The following NSF variants were observed in gnomAD, a reference collection of about 807,000 sequenced individuals.
The protein encoded by NSF is N-ethylmaleimide sensitive factor, vesicle fusing ATPase.
Under a neutral mutation model 50.3 loss-of-function variants are expected in NSF, and 14 were observed. That is an observed-to-expected ratio of 0.28 (90% CI 0.18 to 0.44). NSF has a LOEUF of 0.44. Among genes scored for constraint, NSF ranks in the 20% least tolerant of loss-of-function variants. The pLI is 1.00. For synonymous variants in NSF, 109 were observed against 175.7 expected (o/e 0.62, Z 3.00); for missense variants, 218 against 504.3 (o/e 0.43, Z 5.44).
chr17:46,631,125 A>G (rs2058135926), intron 4 of NSF, among the ~76,000 whole-genome samples: 1 of 131,700 alleles, frequency 7.6e-6, no homozygotes, highest in South Asian at 2.3e-4. Context: ...CCTACTCCTC[A>G]TTTAGGAACC....
chr17:46,667,592 C>G (rs2058347006), intron 8 of NSF, among the ~76,000 whole-genome samples: 1 of 140,724 alleles, frequency 7.1e-6, no homozygotes, highest in South Asian at 2.2e-4. Flanking sequence ...TTGAGAACCA[C>G]TGACTAGAAA....
At chr17:46,731,819 A>G (rs767315413) in intron 17 of NSF, among the ~76,000 whole-genome samples, 1 of 152,226 alleles carries the variant, frequency 6.6e-6, no homozygotes, top group East Asian at 1.9e-4. Flanking sequence ...CCTGCAGTAT[A>G]CATGAATCAG....
At chr17:46,746,387 T>C (rs1302862126) in intron 17 of NSF, among the ~76,000 whole-genome samples, 1 of 152,192 alleles carries the variant, frequency 6.6e-6, no homozygotes, top group African/African-American at 2.4e-5. Flanking sequence ...AGCAGGTGGA[T>C]AAAAACAATG....
At chr17:46,755,770 T>A in intron 20 of NSF, 32 bp from the exon 21 acceptor site, 1 of 1,597,916 alleles carries the variant, frequency 6.3e-7, no homozygotes, top group Non-Finnish European at 8.5e-7. Flanking sequence ...GACCCTCATC[T>A]GTTTTTTTGT....
chr17:46,716,444 A>C (rs1172147255), intron 15 of NSF, among the ~76,000 whole-genome samples: 1 of 151,938 alleles, frequency 6.6e-6, no homozygotes, highest in African/African-American at 2.4e-5. Flanking sequence ...TTTTTAGTAG[A>C]GATGGGGTTT....
At chr17:46,745,856 T>C (rs957842554) in intron 17 of NSF, among the ~76,000 whole-genome samples, 3 of 152,258 alleles carry the variant, frequency 2.0e-5, no homozygotes, top group Non-Finnish European at 4.4e-5. Flanking sequence ...TAAAAATGTA[T>C]GTCTTTACTC....
In NSF at chr17:46,718,957, A is replaced by G. The variant is rs141918715; in HGVS notation, c.1761+4971A>G. 2.0e-5 allele frequency among the ~76,000 whole-genome samples: 3 copies of G among 152,340 alleles called. No homozygotes were observed. In the East Asian group the frequency reaches 5.8e-4, roughly 29 times the overall value. Reference sequence around the variant, plus strand: ...GTAAAGATTTTTGATACATAGTGCTATCAAAACTCTTAGGTAAAAAATGCT... The same window carrying G: ...GTAAAGATTTTTGATACATAGTGCTGTCAAAACTCTTAGGTAAAAAATGCT... On this transcript the variant is annotated intron_variant, in intron 15 of 20. Coordinates refer to ENST00000398238, the MANE Select transcript of NSF (RefSeq NM_006178.4).
chr17:46,741,773 G>GTTT (rs1365260110), intron 17 of NSF, among the ~76,000 whole-genome samples: 2 of 151,534 alleles, frequency 1.3e-5, no homozygotes, highest in Non-Finnish European at 2.9e-5. Context: ...TTTTGTTTTT[G>GTTT]TTGTTGTTGT....
At chr17:46,734,371 G>A (rs940810534) in intron 17 of NSF, among the ~76,000 whole-genome samples, 1 of 151,850 alleles carries the variant, frequency 6.6e-6, no homozygotes, top group African/African-American at 2.4e-5. Context: ...GGTGACTTTT[G>A]CATTGGGCTT....
In NSF at chr17:46,704,975, T is replaced by G. The variant is rs1015927869; in HGVS notation, c.1470+121T>G. 7 of 807,160 alleles carry G rather than the reference T, an allele frequency of 8.7e-6. No individual in the cohort carries two copies. In the East Asian group the frequency reaches 2.2e-4, roughly 25 times the overall value. 50.0% of individuals were successfully genotyped at this position (807,160 alleles called of 1,614,324 possible). A position where few individuals can be genotyped will look rare whatever the true frequency, so the allele number is the denominator to read the frequency against. On this transcript the variant is annotated intron_variant, in intron 13 of 20. Transcript: ENST00000398238. Reference sequence around the variant, plus strand: ...TTATAGCATATGCAGTTTCATAAAATGAGAAAATTTTAGTATTGGAAATGT... The same window carrying G: ...TTATAGCATATGCAGTTTCATAAAAGGAGAAAATTTTAGTATTGGAAATGT...
chr17:46,605,199 C>T (rs2146106833), intron 1 of NSF, among the ~76,000 whole-genome samples: 1 of 71,524 alleles, frequency 1.4e-5, no homozygotes, highest in East Asian at 3.1e-4. Context: ...CGCCTGTAAT[C>T]CCAGCACTTT....
chr17:46,671,574 A>G (rs1284408238), intron 8 of NSF, among the ~76,000 whole-genome samples: 1 of 31,466 alleles, frequency 3.2e-5, no homozygotes, highest in Non-Finnish European at 8.1e-5. Flanking sequence ...TGATGTGCTC[A>G]TTTGAGATCC....
intron 13 of NSF, among the ~76,000 whole-genome samples, chr17:46,708,279 A>G (rs2146255105): frequency 6.6e-6 from 1 of 152,250 alleles, no homozygotes; most frequent in African/African-American, 2.4e-5. Context: ...ACCGTTTTCC[A>G]CGGTGGCTGC....
intron 13 of NSF, among the ~76,000 whole-genome samples, chr17:46,709,967 T>TG (rs1460842053): frequency 2.0e-4 from 30 of 152,130 alleles, no homozygotes; most frequent in African/African-American, 7.2e-4. Flanking sequence ...GTCTGAAAAA[T>TG]TATTTTGTGG....
chr17:46,718,637 G>A (rs1419817024), intron 15 of NSF, among the ~76,000 whole-genome samples: 3 of 152,114 alleles, frequency 2.0e-5, no homozygotes, highest in Non-Finnish European at 2.9e-5. Flanking sequence ...TAACATGACC[G>A]AGAATTTGGG....
At chr17:46,703,541 G>C (rs1196592788) in intron 12 of NSF, among the ~76,000 whole-genome samples, 1 of 147,976 alleles carries the variant, frequency 6.8e-6, no homozygotes, top group Non-Finnish European at 1.5e-5. Context: ...AATTAGCCGG[G>C]CGTGGTGGTG....
intron 16 of NSF, among the ~76,000 whole-genome samples, chr17:46,727,842 A>T (rs1449159318): frequency 6.6e-6 from 1 of 152,166 alleles, no homozygotes; most frequent in Non-Finnish European, 1.5e-5. Flanking sequence ...TCATCTGTGC[A>T]TGCTTGCTCA....
At chr17:46,750,490 T>C (rs545410088) in intron 18 of NSF, among the ~76,000 whole-genome samples, 2 of 152,248 alleles carry the variant, frequency 1.3e-5, no homozygotes, top group Non-Finnish European at 2.9e-5. Context: ...TTGAATGTCA[T>C]GTTGGCACTC....
intron 17 of NSF, among the ~76,000 whole-genome samples, chr17:46,747,636 T>C (rs2059143874): frequency 6.6e-6 from 1 of 151,966 alleles, no homozygotes; most frequent in Non-Finnish European, 1.5e-5. Flanking sequence ...AAAGAAAACA[T>C]TCAGAAAACA....
Sources: allele counts gnomAD v4.1 joint callset (sites outside exome capture counted in the v4.1 genomes callset), GRCh38; gene constraint gnomAD v4.1.1; transcripts MANE v1.5; gene names NCBI Gene and HGNC (gene_info 2026-07-23, HGNC 2026-07-21).